Variants in PTMA observed in about 807,000 individuals in gnomAD.
PTMA encodes the protein gene sequence 28.
A neutral mutation model predicts 16.9 loss-of-function variants in PTMA; 4 were observed. That is an observed-to-expected ratio of 0.24 (90% CI 0.12 to 0.54). The LOEUF (loss-of-function observed/expected upper bound fraction) is 0.54, where lower values mean the gene tolerates loss of function less well. Ranked by LOEUF, PTMA falls within the 20% of genes least tolerant of loss-of-function variation. The pLI is 0.95. For synonymous variants in PTMA, 58 were observed against 47.9 expected (o/e 1.21, Z -0.87); for missense variants, 120 against 137.7 (o/e 0.87, Z 0.64).
At chr2:231,710,243 G>A in intron 1 of PTMA, 1 of 1,336,900 alleles carries the variant, frequency 7.5e-7, no homozygotes, top group Non-Finnish European at 9.7e-7. Flanking sequence ...CCGGCCGACC[G>A]ACGCGCGACC....
chr2:231,710,908 C>T (rs1016813831), intron 1 of PTMA, among the ~76,000 whole-genome samples: 10 of 152,176 alleles, frequency 6.6e-5, no homozygotes, highest in African/African-American at 1.5e-4. Flanking sequence ...GCGCAGGCCC[C>T]TCTCTCTTTG....
chr2:231,711,693 T>A, intron 2 of PTMA, 197 bp from the exon 3 acceptor site: 2 of 1,040,738 alleles, frequency 1.9e-6, no homozygotes, highest in Non-Finnish European at 2.7e-6. Flanking sequence ...AAAGCCCTTG[T>A]CCTGGGGCAG....
At chr2:231,712,693 G>T in intron 4 of PTMA, 111 bp from the exon 5 acceptor site, 1 of 1,402,788 alleles carries the variant, frequency 7.1e-7, no homozygotes, top group Non-Finnish European at 9.8e-7. Flanking sequence ...AGAGGCCTTG[G>T]GCTGTGGAGC....
At chr2:231,709,524 A>T (rs995122625) in intron 1 of PTMA, among the ~76,000 whole-genome samples, 41 of 152,174 alleles carry the variant, frequency 2.7e-4, no homozygotes, top group African/African-American at 8.7e-4. Flanking sequence ...CGCTGGGGCG[A>T]CGATGGGCGC....
In PTMA at chr2:231,710,246, G is replaced by C. The variant is rs577253094; in HGVS notation, c.46-1102G>C. On this transcript the variant is annotated intron_variant, in intron 1 of 4. Coordinates refer to ENST00000409115, the MANE Select transcript of PTMA (RefSeq NM_002823.5). ...CGAGTCGAGAGCCCGGCCGACCGAC[G>C]CGCGACCCGCGCGCGTGCCACTGCA... 7.5e-6 allele frequency: 10 copies of C among 1,332,542 alleles called. No individual in the cohort carries two copies. The East Asian group carries it at 2.7e-4, about 36-fold the overall frequency. The allele number at this position is 1,332,542 out of a possible 1,614,324, so 82.5% of individuals were successfully genotyped here.
At position 231,713,527 on chromosome 2, in the gene PTMA, AGTT is replaced by A. The variant is rs1411004995; in HGVS notation, c.*680_*682del. Reference sequence around the variant, plus strand: ...AATAAACAGGAATTTTATTTTGCTGAGTTGTTCTAACAAAGCTGTCTCAAGCCT... The same window carrying A: ...AATAAACAGGAATTTTATTTTGCTGAGTTCTAACAAAGCTGTCTCAAGCCT... On this transcript the variant is annotated 3_prime_UTR_variant, in exon 5 of 5. Coordinates refer to ENST00000409115, the MANE Select transcript of PTMA (RefSeq NM_002823.5). 27 of 418,724 alleles carry A rather than the reference AGTT, an allele frequency of 6.4e-5. No homozygotes were observed. The highest frequency in any genetic ancestry group is 3.8e-4 in the South Asian group (20 of 52,630). 25.9% of individuals were successfully genotyped at this position (418,724 alleles called of 1,614,324 possible).
chr2:231,710,188 T>C, intron 1 of PTMA: 2 of 1,307,646 alleles, frequency 1.5e-6, no homozygotes, highest in Admixed American at 6.9e-5. Flanking sequence ...AATGCAGACA[T>C]TCGGGCCTGC....
intron 3 of PTMA, 61 bp from the exon 4 acceptor site, chr2:231,712,382 A>AT (rs2048529893): frequency 6.5e-7 from 1 of 1,548,010 alleles, no homozygotes; most frequent in African/African-American, 1.4e-5. Context: ...GTTCCTCGGG[A>AT]TTTCCCCAGG....
intron 1 of PTMA, chr2:231,710,250 GA>G: frequency 1.5e-6 from 2 of 1,337,230 alleles, no homozygotes; most frequent in Non-Finnish European, 1.9e-6. Context: ...ACCGACGCGC[GA>G]CCCGCGCGCG....
At chr2:231,709,723 C>T (rs1559283217) in intron 1 of PTMA, 1 of 153,318 alleles carries the variant, frequency 6.5e-6, no homozygotes, top group Non-Finnish European at 1.5e-5. Context: ...GGCGCCGCCT[C>T]GGTCCCACTG....
At position 231,712,806 on chromosome 2, in the gene PTMA, T is replaced by C. The variant is rs753332066; in HGVS notation, c.288T>C (p.Asp96=). 1.7e-4 allele frequency: 275 copies of C among 1,594,400 alleles called. No individual in the cohort carries two copies. Among genetic ancestry groups the C allele is most frequent in the Non-Finnish European group, 2.1e-4 (248 of 1,170,698 alleles). The change falls in exon 5 of 5, where the codon GAT becomes GAC. Residue 96 remains aspartate, a splice_region_variant and synonymous_variant. Transcript: ENST00000409115. The part of the protein sequence containing the change: ...TGKRAAEDDE[D]DDVDTKKQKT... ...TTTGACAGTCTTTCTCTGCTTAGGA[T>C]GACGATGTCGATACCAAGAAGCAGA... is the stretch of plus-strand genomic sequence containing the variant.
At chr2:231,712,625 C>T in intron 4 of PTMA, 109 bp downstream of exon 4, 1 of 1,357,806 alleles carries the variant, frequency 7.4e-7, no homozygotes, top group Non-Finnish European at 1.0e-6. Flanking sequence ...TGTAGGTGGC[C>T]ACTGTGTGGT....
intron 1 of PTMA, chr2:231,710,391 TGC>T: frequency 8.6e-7 from 1 of 1,163,522 alleles, no homozygotes; most frequent in Non-Finnish European, 1.1e-6. Context: ...GGGCGGGGGA[TGC>T]GCGCCTGCGC....
chr2:231,712,007 C>A (rs773357430), intron 3 of PTMA, 24 bp downstream of exon 3: 2 of 1,553,840 alleles, frequency 1.3e-6, no homozygotes, highest in East Asian at 2.4e-5. Flanking sequence ...TCTATCTTCC[C>A]CTTTTCAGGT....
rs1383185944 is a variant in PTMA at position 231,711,955 on chromosome 2, G to A, written c.183G>A (p.Glu61=). 2.5e-6 allele frequency: 4 copies of A among 1,587,962 alleles called. No individual in the cohort carries two copies. The African/African-American group carries it at 4.0e-5, about 16-fold the overall frequency. ...EVDEEEEEGG[E]EEEEEEEGDG... ...ACGAAGAAGAGGAAGAAGGTGGGGA[G>A]GAAGAGGAGGAGGAAGAAGAAGGTG... The change falls in exon 3 of 5, where the codon GAG becomes GAA. Residue 61 remains glutamate, a synonymous_variant. Coordinates refer to ENST00000409115, the MANE Select transcript of PTMA (RefSeq NM_002823.5).
At chr2:231,711,551 C>T (rs903213715) in intron 2 of PTMA, 132 bp downstream of exon 2, 43 of 866,754 alleles carry the variant, frequency 5.0e-5, no homozygotes, top group Middle Eastern at 4.4e-4. Flanking sequence ...AGTATCGTAG[C>T]CAATGAGCTT....
rs772192536 is a variant in PTMA at position 231,711,940 on chromosome 2, GGAA to G, written c.173_175del (p.Glu58del). Reference sequence around the variant, plus strand: ...CTGACAATGAGGTAGACGAAGAAGAGGAAGAAGGTGGGGAGGAAGAGGAGGAGG... The same window carrying G: ...CTGACAATGAGGTAGACGAAGAAGAGGAAGGTGGGGAGGAAGAGGAGGAGG... On this transcript the variant is annotated inframe_deletion, in exon 3 of 5. Coordinates refer to ENST00000409115, the MANE Select transcript of PTMA (RefSeq NM_002823.5). The G allele has an allele frequency of 5.6e-6, 9 of 1,599,412 alleles. No individual in the cohort carries two copies. The highest frequency in any genetic ancestry group is 2.7e-5 in the African/African-American group (2 of 74,526).
In PTMA at chr2:231,712,877, A is replaced by T. The variant is rs753427430; in HGVS notation, c.*26A>T. The T allele has an allele frequency of 5.8e-6, 3 of 521,688 alleles. No homozygotes were observed. Among genetic ancestry groups the T allele is most frequent in the South Asian group, 5.2e-5 (1 of 19,128 alleles). The allele number at this position is 521,688 out of a possible 1,614,324, so 32.3% of individuals were successfully genotyped here. ...ACAGCAAAAAAGGAAAAGTTAAACT[A>T]AAAAAAAAAAGGCCGCCGTGACCTA... is the stretch of plus-strand genomic sequence containing the variant. On this transcript the variant is annotated 3_prime_UTR_variant, in exon 5 of 5. Coordinates refer to ENST00000409115, the MANE Select transcript of PTMA (RefSeq NM_002823.5).
chr2:231,712,364 C>A, intron 3 of PTMA, 79 bp from the exon 4 acceptor site: 2 of 1,447,714 alleles, frequency 1.4e-6, no homozygotes, highest in South Asian at 1.2e-5. Flanking sequence ...CCTTGCAGTC[C>A]ACTACATGTT....
Sources: allele counts gnomAD v4.1 joint callset (sites outside exome capture counted in the v4.1 genomes callset), GRCh38; gene constraint gnomAD v4.1.1; transcripts MANE v1.5; gene names NCBI Gene and HGNC (gene_info 2026-07-23, HGNC 2026-07-21).